ABCA6: variants seen among roughly 807,000 people sequenced by gnomAD.
ABCA6 encodes the protein ATP-binding cassette sub-family A member 6.
Under a neutral mutation model 191.2 loss-of-function variants are expected in ABCA6, and 164 were observed. The ratio of observed to expected loss-of-function variants is 0.86; its 90% confidence interval spans 0.76 to 0.98. ABCA6 has a LOEUF of 0.98. Among genes scored for constraint, ABCA6 ranks in the 50% least tolerant of loss-of-function variants. ABCA6 has a pLI of 0.00. For missense variants in ABCA6, 1,958 were observed against 1,894.1 expected, an observed-to-expected ratio of 1.03 and a Z score of -0.63; for synonymous variants, 636 against 647.7, an observed-to-expected ratio of 0.98 and a Z score of 0.27.
At chr17:69,123,460 AAAG>A in intron 9 of ABCA6, 53 bp from the exon 10 acceptor site, 1 of 1,265,090 alleles carries the variant, frequency 7.9e-7, no homozygotes, top group Non-Finnish European at 1.0e-6. Context: ...AAGAATGCGC[AAAG>A]AAGCCTTGCT....
At chr17:69,083,624 G>A in intron 34 of ABCA6, among the ~76,000 whole-genome samples, 1 of 152,166 alleles carries the variant, frequency 6.6e-6, no homozygotes, top group African/African-American at 2.4e-5. Context: ...GGAAGTGGGT[G>A]GAGATATAGA....
At chr17:69,117,809 A>G (rs2073564350) in intron 11 of ABCA6, 89 bp downstream of exon 11, 5 of 926,266 alleles carry the variant, frequency 5.4e-6, no homozygotes, top group South Asian at 1.5e-5. Context: ...GCTTATCTAC[A>G]TATTTCAAAT....
In ABCA6 at chr17:69,128,878, A is replaced by G. The variant is rs2073807400; in HGVS notation, c.934-74T>C. 5.8e-6 allele frequency: 7 copies of G among 1,199,558 alleles called. No individual in the cohort carries two copies. In the East Asian group the frequency reaches 1.5e-4, roughly 25 times the overall value. 74.3% of individuals were successfully genotyped at this position (1,199,558 alleles called of 1,614,324 possible). A position where few individuals can be genotyped will look rare whatever the true frequency, so the allele number is the denominator to read the frequency against. The stretch of plus-strand genomic sequence containing the variant: ...CTGAGAATCATTGGCAGCCCAATCA[A>G]ATAAGGATTTTTATATCATAACATA... On this transcript the variant is annotated intron_variant, in intron 7 of 38. Transcript: ENST00000284425.
At position 69,107,829 on chromosome 17, in the gene ABCA6, T is replaced by C. The variant is rs755371435; in HGVS notation, c.2273-17A>G. On this transcript the variant is annotated splice_polypyrimidine_tract_variant and intron_variant, in intron 17 of 38. Transcript: ENST00000284425. ...TGAAAAGATCTAAGGCAAAAAAATATGAATAGATACTTTGGAAAACCACAT... is the reference window on the plus strand; with the variant it reads ...TGAAAAGATCTAAGGCAAAAAAATACGAATAGATACTTTGGAAAACCACAT... 6 of 1,462,492 alleles carry C rather than the reference T, an allele frequency of 4.1e-6. No homozygotes were observed. In the East Asian group the frequency reaches 9.1e-5, roughly 22 times the overall value. The allele number at this position is 1,462,492 out of a possible 1,614,324, so 90.6% of individuals were successfully genotyped here. A position where few individuals can be genotyped will look rare whatever the true frequency, so the allele number is the denominator to read the frequency against.
Position 69,082,988 on chromosome 17 carries a change from T to A in ABCA6, c.4501A>T (p.Lys1501Ter), listed in dbSNP as rs1172612972. The change falls in exon 36 of 39, where the codon AAA (lysine) becomes TAA (stop). Residue 1501 changes from lysine (K) to a stop codon, truncating the protein, a stop_gained. Transcript: ENST00000284425. LOFTEE classifies it high-confidence loss of function. ...ATGTAATCCTTGCCAAGTTTGTTTT[T>A]CAGGTGTTGGATGGAGCCAATGCAT... ...LRCIGSIQHL[K>*]NKLGKDYILE... 1 of 1,614,214 alleles carries A rather than the reference T, an allele frequency of 6.2e-7. No homozygotes were observed. The highest frequency in any genetic ancestry group is 8.5e-7 in the Non-Finnish European group (1 of 1,180,028).
chr17:69,140,565 G>GT (rs1221636026), intron 2 of ABCA6, 43 bp downstream of exon 2: 3 of 1,296,016 alleles, frequency 2.3e-6, no homozygotes, highest in East Asian at 2.5e-5. Context: ...ATGAAACACT[G>GT]TAAGAGTGCT....
At chr17:69,140,004 G>C (rs1267363600) in intron 2 of ABCA6, among the ~76,000 whole-genome samples, 1 of 150,838 alleles carries the variant, frequency 6.6e-6, no homozygotes, top group Non-Finnish European at 1.5e-5. Flanking sequence ...GCTAAATGGC[G>C]AGTTAATGGG....
intron 2 of ABCA6, among the ~76,000 whole-genome samples, chr17:69,138,698 C>G (rs925282907): frequency 7.3e-5 from 11 of 151,246 alleles, no homozygotes; most frequent in Non-Finnish European, 1.3e-4. Context: ...TCAAACTATA[C>G]TACAAGGCCA....
chr17:69,083,051 G>C, intron 35 of ABCA6, 38 bp from the exon 36 acceptor site: 1 of 1,603,148 alleles, frequency 6.2e-7, no homozygotes, highest in Non-Finnish European at 8.5e-7. Context: ...AAAAAATATT[G>C]CCCTTAATTT....
chr17:69,140,174 A>G (rs1444437971), intron 2 of ABCA6, among the ~76,000 whole-genome samples: 1 of 152,170 alleles, frequency 6.6e-6, no homozygotes. Flanking sequence ...GTCATCTGTG[A>G]TTAGCCCACC....
rs1420227325 is a variant in ABCA6 at position 69,136,160 on chromosome 17, T to C, written c.392A>G (p.Glu131Gly). The C allele has an allele frequency of 1.2e-6, 2 of 1,606,388 alleles. No homozygotes were observed. The highest frequency in any genetic ancestry group is 2.7e-5 in the African/African-American group (2 of 74,830). The change falls in exon 4 of 39, where the codon GAA (glutamate) becomes GGA (glycine). Residue 131 changes from glutamate (E) to glycine (G), a missense_variant. Physicochemically the swap from Glu to Gly is moderately conservative, Grantham distance 98. Coordinates refer to ENST00000284425, the MANE Select transcript of ABCA6 (RefSeq NM_080284.3). ...AAATATTAACTTATAAGAGAAAGTTTCATTAAAGATGATTCCCATAGCATA... is the reference window on the plus strand; with the variant it reads ...AAATATTAACTTATAAGAGAAAGTTCCATTAAAGATGATTCCCATAGCATA... ...LPYAMGIIFN[E>G]TFSYKLIFFQ...
Position 69,081,063 on chromosome 17 carries a change from T to C in ABCA6, c.4696+3A>G, listed in dbSNP as rs1205767750. ...AGATTTATTTGAATGTGGTCACTCT[T>C]ACCTGCTTCTAATTTGTGAAAGGTC... On this transcript the variant is annotated splice_donor_region_variant and intron_variant, in intron 37 of 38. Transcript: ENST00000284425. The C allele has an allele frequency of 5.7e-6, 9 of 1,578,324 alleles. No homozygotes were observed. Among genetic ancestry groups the C allele is most frequent in the Admixed American group, 3.5e-5 (2 of 57,018 alleles).
At position 69,140,588 on chromosome 17, in the gene ABCA6, A is replaced by C; in HGVS notation, c.96+20T>G. The C allele has an allele frequency of 2.6e-6, 4 of 1,547,538 alleles. No homozygotes were observed. Among genetic ancestry groups the C allele is most frequent in the South Asian group, 1.2e-5 (1 of 83,728 alleles). On this transcript the variant is annotated intron_variant, in intron 2 of 38. Transcript: ENST00000284425. ...CTGTAAGAGTGCTAACCGTGGAAAGAGACAAATTTTTAAACATACCAATAA... is the reference window on the plus strand; with the variant it reads ...CTGTAAGAGTGCTAACCGTGGAAAGCGACAAATTTTTAAACATACCAATAA...
At chr17:69,140,579 C>A (rs767775426) in intron 2 of ABCA6, 29 bp downstream of exon 2, 1 of 1,464,348 alleles carries the variant, frequency 6.8e-7, no homozygotes, top group South Asian at 1.2e-5. Flanking sequence ...GAGTGCTAAC[C>A]GTGGAAAGAG....
intron 4 of ABCA6, among the ~76,000 whole-genome samples, chr17:69,134,951 C>T (rs1448844080): frequency 2.3e-5 from 3 of 129,374 alleles, no homozygotes; most frequent in Non-Finnish European, 4.6e-5. Context: ...GGTGCGATCT[C>T]AGCTCACTGC....
At chr17:69,125,280 C>A (rs1012775094) in intron 8 of ABCA6, among the ~76,000 whole-genome samples, 2 of 151,370 alleles carry the variant, frequency 1.3e-5, no homozygotes, top group African/African-American at 2.4e-5. Context: ...AATTATAATT[C>A]ATTTGTTTGT....
rs1020788467 is a variant in ABCA6 at position 69,114,868 on chromosome 17, C to T, written c.1676G>A (p.Gly559Asp). ...TTGAACATTGAATTGAGGACAGACG[C>T]CAGTTATCTTTCTGATTTCCTCCAA... ...QDLEEIRKITGVCPQFNVQFD... is the reference protein window; with the variant it reads ...QDLEEIRKITDVCPQFNVQFD... Residue 559 changes from glycine to aspartate, a missense_variant, in exon 13 of 39, where the codon GGC (glycine) becomes GAC (aspartate). Physicochemically the swap from Gly to Asp is moderately conservative, Grantham distance 94. Transcript: ENST00000284425. The T allele has an allele frequency of 3.7e-6, 6 of 1,612,090 alleles. No homozygotes were observed. In the African/African-American group the frequency reaches 8.0e-5, roughly 22 times the overall value.
chr17:69,139,550 G>A (rs551471489), intron 2 of ABCA6, among the ~76,000 whole-genome samples: 19 of 152,084 alleles, frequency 1.2e-4, no homozygotes, highest in African/African-American at 4.6e-4. Context: ...GATTCCTCAG[G>A]GATCTAGAAC....
At position 69,115,468 on chromosome 17, in the gene ABCA6, T is replaced by C; in HGVS notation, c.1514A>G (p.Tyr505Cys). Residue 505 changes from tyrosine (Y) to cysteine (C), a missense_variant, in exon 12 of 39, where the codon TAT becomes TGT. Physicochemically the swap from Tyr to Cys is radical, Grantham distance 194. Coordinates refer to ENST00000284425, the MANE Select transcript of ABCA6 (RefSeq NM_080284.3). ...CAGGATTGCCGTGATTTGACCTTCA[T>C]ATATGTCAAAGAGCAAGCCTATTTT... ...EALKGLLFDIYEGQITAILGH... is the reference protein window; with the variant it reads ...EALKGLLFDICEGQITAILGH... The C allele has an allele frequency of 6.2e-7, 1 of 1,610,504 alleles. No homozygotes were observed. Among genetic ancestry groups the C allele is most frequent in the Non-Finnish European group, 8.5e-7 (1 of 1,178,312 alleles).
Sources: allele counts gnomAD v4.1 joint callset (sites outside exome capture counted in the v4.1 genomes callset), GRCh38; gene constraint gnomAD v4.1.1; transcripts MANE v1.5; gene names NCBI Gene and HGNC (gene_info 2026-07-23, HGNC 2026-07-21).